The following ADAM12 variants were observed in gnomAD, a reference collection of about 807,000 sequenced individuals.
ADAM12 encodes the protein disintegrin and metalloproteinase domain-containing protein 12.
In ADAM12, 70 loss-of-function variants were observed where a neutral mutation model predicts 106.4. The observed-to-expected ratio is 0.66, with a 90% CI of 0.54 to 0.80. The LOEUF is 0.80. ADAM12 is among the 30% of genes least tolerant of loss of function. The pLI, the probability that ADAM12 is intolerant of heterozygous loss-of-function variation, is 0.00. For missense variants in ADAM12, 1,010 were observed against 1,171.9 expected, an observed-to-expected ratio of 0.86 and a Z score of 2.02; for synonymous variants, 420 against 433.5, an observed-to-expected ratio of 0.97 and a Z score of 0.39.
At chr10:126,024,060 G>A (rs1483075843) in intron 21 of ADAM12, among the ~76,000 whole-genome samples, 2 of 152,208 alleles carry the variant, frequency 1.3e-5, no homozygotes, top group African/African-American at 4.8e-5. Context: ...AGCTAGCATA[G>A]TTGAATTAGA....
intron 3 of ADAM12, among the ~76,000 whole-genome samples, chr10:126,179,259 G>GTAGT (rs1957272261): frequency 6.6e-6 from 1 of 152,168 alleles, no homozygotes; most frequent in Admixed American, 6.5e-5. Context: ...TGGCACCTCT[G>GTAGT]TAGTTAGCAT....
chr10:126,071,687 A>G lies in ADAM12; in HGVS notation c.1146-33T>C, dbSNP rs367842236. 28 of 1,607,760 alleles carry G rather than the reference A, an allele frequency of 1.7e-5. No homozygotes were observed. The African/African-American group carries it at 3.2e-4, about 18-fold the overall frequency. The stretch of plus-strand genomic sequence containing the variant: ...AGGAGAGCCCAGAACAGTAAGTCAC[A>G]GGGCATGGAATGGCTTTGTCTGCCC... On this transcript the variant is annotated intron_variant, in intron 11 of 22. Transcript: ENST00000448723.
chr10:126,168,273 C>A (rs1957059479), intron 3 of ADAM12, among the ~76,000 whole-genome samples: 1 of 152,100 alleles, frequency 6.6e-6, no homozygotes, highest in Non-Finnish European at 1.5e-5. Flanking sequence ...ACAAGAAGAC[C>A]AAACTACCTT....
At chr10:126,228,358 C>G (rs980532930) in intron 3 of ADAM12, among the ~76,000 whole-genome samples, 1 of 152,144 alleles carries the variant, frequency 6.6e-6, no homozygotes, top group African/African-American at 2.4e-5. Context: ...TCCAAGAGAT[C>G]GTTTCATATA....
intron 4 of ADAM12, among the ~76,000 whole-genome samples, chr10:126,146,832 C>A (rs932058768): frequency 6.6e-6 from 1 of 152,178 alleles, no homozygotes; most frequent in Admixed American, 6.5e-5. Context: ...ATAGTCACTG[C>A]GCACCTGCAA....
intron 4 of ADAM12, among the ~76,000 whole-genome samples, chr10:126,150,067 A>G (rs1956702153): frequency 6.6e-6 from 1 of 152,244 alleles, no homozygotes; most frequent in African/African-American, 2.4e-5. Flanking sequence ...CTTTGAATGC[A>G]TATTTTACAC....
At chr10:126,038,042 G>A (rs935837321) in intron 20 of ADAM12, among the ~76,000 whole-genome samples, 199 bp downstream of exon 20, 1 of 152,212 alleles carries the variant, frequency 6.6e-6, no homozygotes, top group African/African-American at 2.4e-5. Context: ...CAGGATCTAG[G>A]TGGGCTTCCA....
At chr10:126,119,679 A>G (rs1410926078) in intron 5 of ADAM12, among the ~76,000 whole-genome samples, 1 of 152,224 alleles carries the variant, frequency 6.6e-6, no homozygotes, top group Admixed American at 6.5e-5. Context: ...AAAAATGGAC[A>G]AATTTGCTGA....
intron 2 of ADAM12, among the ~76,000 whole-genome samples, chr10:126,328,839 G>A (rs1854400959): frequency 6.6e-6 from 1 of 152,164 alleles, no homozygotes; most frequent in African/African-American, 2.4e-5. Context: ...GTTCTTCCTA[G>A]TCTTCTAAAA....
At chr10:126,078,042 G>T (rs894396444) in intron 11 of ADAM12, among the ~76,000 whole-genome samples, 16 of 152,098 alleles carry the variant, frequency 1.1e-4, no homozygotes, top group African/African-American at 3.9e-4. Flanking sequence ...TCCTCTAATG[G>T]TAACACCATC....
intron 3 of ADAM12, among the ~76,000 whole-genome samples, chr10:126,262,868 C>T (rs1259376545): frequency 1.3e-5 from 2 of 152,226 alleles, no homozygotes; most frequent in Non-Finnish European, 2.9e-5. Context: ...AGGTGGGGTA[C>T]TCCATGCTGG....
At chr10:126,380,939 ACT>A (rs930001745) in intron 1 of ADAM12, among the ~76,000 whole-genome samples, 2 of 152,052 alleles carry the variant, frequency 1.3e-5, no homozygotes, top group African/African-American at 2.4e-5. Context: ...TCTGAAACAC[ACT>A]CTGATACAAA....
intron 3 of ADAM12, among the ~76,000 whole-genome samples, chr10:126,173,511 C>A (rs1018911503): frequency 6.6e-6 from 1 of 152,166 alleles, no homozygotes; most frequent in Admixed American, 6.5e-5. Flanking sequence ...TCTCTCCCAA[C>A]CAAAACTGTC....
intron 3 of ADAM12, among the ~76,000 whole-genome samples, chr10:126,184,612 A>G (rs981632064): frequency 6.6e-6 from 1 of 152,134 alleles, no homozygotes; most frequent in Non-Finnish European, 1.5e-5. Context: ...CTAAAGTTCA[A>G]TTTTTCATGG....
intron 2 of ADAM12, among the ~76,000 whole-genome samples, chr10:126,322,550 A>C (rs1211590408): frequency 1.3e-5 from 2 of 152,148 alleles, no homozygotes; most frequent in Admixed American, 1.3e-4. Flanking sequence ...CCCTCCCCCC[A>C]CACACAGCAA....
chr10:126,382,370 T>C (rs1161701995), intron 1 of ADAM12, among the ~76,000 whole-genome samples: 1 of 152,198 alleles, frequency 6.6e-6, no homozygotes, highest in Non-Finnish European at 1.5e-5. Flanking sequence ...CTCCCAGGAA[T>C]CGTGAAGGTG....
At chr10:126,019,944 A>T (rs1953732530) in intron 21 of ADAM12, 119 bp from the exon 22 acceptor site, 2 of 1,240,016 alleles carry the variant, frequency 1.6e-6, no homozygotes, top group South Asian at 3.5e-5. Flanking sequence ...GTCACCATAC[A>T]AGGTGGGTGG....
intron 3 of ADAM12, among the ~76,000 whole-genome samples, chr10:126,252,056 A>ATGG (rs1958789408): frequency 7.8e-6 from 1 of 127,798 alleles, no homozygotes. Context: ...TGGATGGATG[A>ATGG]GATGGATGAT....
At chr10:126,367,914 CCTTAA>C (rs1336459592) in intron 1 of ADAM12, among the ~76,000 whole-genome samples, 8 of 151,768 alleles carry the variant, frequency 5.3e-5, no homozygotes, top group Admixed American at 4.6e-4. Flanking sequence ...AGTGAGAAAA[CCTTAA>C]CTTATGAGGC....
Sources: allele counts gnomAD v4.1 joint callset (sites outside exome capture counted in the v4.1 genomes callset), GRCh38; gene constraint gnomAD v4.1.1; transcripts MANE v1.5; gene names NCBI Gene and HGNC (gene_info 2026-07-23, HGNC 2026-07-21).